The following TDP2 variants were observed in gnomAD, a reference collection of about 807,000 sequenced individuals.
The protein encoded by TDP2 is tyrosyl-DNA phosphodiesterase 2.
A neutral mutation model predicts 42.8 loss-of-function variants in TDP2; 38 were observed. That is an observed-to-expected ratio of 0.89 (90% confidence interval 0.68 to 1.16). The LOEUF is 1.16. TDP2 is among the 50% of genes most tolerant of loss of function. The pLI, the probability that TDP2 is intolerant of heterozygous loss-of-function variation, is 0.00. For synonymous variants in TDP2, 173 were observed against 150.6 expected (o/e 1.15, Z -1.09); for missense variants, 439 against 439.3 (o/e 1.00, Z 0.01).
intron 2 of TDP2, among the ~76,000 whole-genome samples, chr6:24,662,866 T>A (rs1778175459): frequency 6.6e-6 from 1 of 152,238 alleles, no homozygotes; most frequent in African/African-American, 2.4e-5. Flanking sequence ...ATGAAAAGCA[T>A]TAAAACCAGA....
chr6:24,660,676 T>C (rs1225016412), intron 2 of TDP2, among the ~76,000 whole-genome samples: 2 of 152,226 alleles, frequency 1.3e-5, no homozygotes, highest in African/African-American at 4.8e-5. Flanking sequence ...AGATTTAATA[T>C]CTAAAGACCT....
Position 24,658,738 on chromosome 6 carries a change from G to C in TDP2, c.252-4C>G. 2 of 1,610,094 alleles carry C rather than the reference G, an allele frequency of 1.2e-6. No individual in the cohort carries two copies. Among genetic ancestry groups the C allele is most frequent in the Non-Finnish European group, 1.7e-6 (2 of 1,178,346 alleles). On this transcript the variant is annotated splice_region_variant and splice_polypyrimidine_tract_variant and intron_variant, in intron 2 of 6. Transcript: ENST00000378198. ...TTCTTCATTGGTTAGGTCAACACTG[G>C]CAAGATCAGAATAAAACATGGCTTT...
chr6:24,666,749 G>C lies in TDP2; in HGVS notation c.114C>G (p.Cys38Trp). The C allele has an allele frequency of 6.2e-7, 1 of 1,614,234 alleles. No individual in the cohort carries two copies. The highest frequency in any genetic ancestry group is 1.3e-5 in the African/African-American group (1 of 75,074). The change falls in exon 1 of 7, where the codon TGC becomes TGG. Residue 38 changes from cysteine to tryptophan, a missense_variant. Transcript: ENST00000378198. ...LCVEFASVAS[C>W]DAAVAQCFLA... The stretch of plus-strand genomic sequence containing the variant: ...GGAAGCACTGAGCCACTGCGGCATC[G>C]CAGCTTGCGACCGAGGCAAACTCCA...
At chr6:24,654,201 T>C (rs1166942884) in intron 5 of TDP2, among the ~76,000 whole-genome samples, 2 of 152,182 alleles carry the variant, frequency 1.3e-5, no homozygotes, top group Non-Finnish European at 2.9e-5. Context: ...CAAACTCAAA[T>C]ATTCTTAAGA....
Position 24,658,667 on chromosome 6 carries a change from G to A in TDP2, c.319C>T (p.Gln107Ter), listed in dbSNP as rs565103897. Residue 107 changes from glutamine (Q) to a stop codon, truncating the protein, a stop_gained, in exon 3 of 7, where the codon CAG becomes TAG. Transcript: ENST00000378198. LOFTEE classifies it high-confidence loss of function. ...TSKISPSEDT[Q>*]QENGSMFSLI... Reference sequence around the variant, plus strand: ...GAGAACATGCTGCCATTTTCTTGCTGAGTATCTTCAGATGGGCTGATTTTA... The same window carrying A: ...GAGAACATGCTGCCATTTTCTTGCTAAGTATCTTCAGATGGGCTGATTTTA... 3.7e-6 allele frequency: 6 copies of A among 1,613,946 alleles called. No individual in the cohort carries two copies. The highest frequency in any genetic ancestry group is 5.1e-6 in the Non-Finnish European group (6 of 1,179,866).
intron 5 of TDP2, 95 bp downstream of exon 5, chr6:24,654,317 T>C (rs1214924702): frequency 1.6e-6 from 1 of 608,374 alleles, no homozygotes; most frequent in Non-Finnish European, 2.7e-6. Context: ...GAAGCAAATT[T>C]TTCTCTAAAG....
Position 24,661,063 on chromosome 6 carries a change from A to G in TDP2, c.252-2329T>C, listed in dbSNP as rs899209680. On this transcript the variant is annotated intron_variant, in intron 2 of 6. Transcript: ENST00000378198. The stretch of plus-strand genomic sequence containing the variant: ...CTAGTACGAAGTTATAATTTTCCCC[A>G]TCATAGTAAGTATTTTGTGGGAAAG... Among the ~76,000 whole-genome samples the G allele has an allele frequency of 2.0e-5, 3 of 152,150 alleles. No individual in the cohort carries two copies. In the East Asian group the frequency reaches 5.8e-4, roughly 29 times the overall value.
intron 4 of TDP2, among the ~76,000 whole-genome samples, chr6:24,657,093 A>G (rs1015921600): frequency 6.6e-5 from 10 of 152,252 alleles, no homozygotes; most frequent in African/African-American, 2.4e-4. Flanking sequence ...TGAACAACAC[A>G]AGTGAACTTC....
intron 2 of TDP2, among the ~76,000 whole-genome samples, chr6:24,661,743 C>A (rs541508359): frequency 5.3e-5 from 8 of 152,202 alleles, no homozygotes; most frequent in African/African-American, 1.9e-4. Context: ...GCAAAACTTT[C>A]TTTTGTGAAT....
At chr6:24,655,869 C>T (rs995548481) in intron 4 of TDP2, among the ~76,000 whole-genome samples, 4 of 152,188 alleles carry the variant, frequency 2.6e-5, no homozygotes, top group Non-Finnish European at 4.4e-5. Flanking sequence ...AATTGTGGGT[C>T]TCCCTCAAAT....
intron 2 of TDP2, among the ~76,000 whole-genome samples, chr6:24,659,460 A>C (rs1778107068): frequency 1.3e-5 from 2 of 152,138 alleles, no homozygotes; most frequent in Non-Finnish European, 2.9e-5. Flanking sequence ...AACCTTCTAA[A>C]TTGATTTAGA....
rs1777949872 is a variant in TDP2, at chr6:24,650,314, G to A, written c.*474C>T. The A allele has an allele frequency of 1.3e-5, 2 of 154,660 alleles. No homozygotes were observed. Among genetic ancestry groups the A allele is most frequent in the African/African-American group, 4.8e-5 (2 of 41,464 alleles). The allele number at this position is 154,660 out of a possible 1,614,324, so 9.6% of individuals were successfully genotyped here. A position where few individuals can be genotyped will look rare whatever the true frequency, so the allele number is the denominator to read the frequency against. On this transcript the variant is annotated 3_prime_UTR_variant, in exon 7 of 7. Coordinates refer to ENST00000378198, the MANE Select transcript of TDP2 (RefSeq NM_016614.3). Reference sequence around the variant, plus strand: ...GCTGACAAAAATCAAGTCTGATGTAGAATAGCTGTCATCTACTTAACTGCA... The same window carrying A: ...GCTGACAAAAATCAAGTCTGATGTAAAATAGCTGTCATCTACTTAACTGCA...
intron 3 of TDP2, 149 bp from the exon 4 acceptor site, chr6:24,658,052 A>C: frequency 1.9e-6 from 1 of 528,056 alleles, no homozygotes; most frequent in South Asian, 2.4e-5. Flanking sequence ...TGATAACTAT[A>C]AAATGAGAAA....
At chr6:24,666,493 T>A (rs1778240710) in intron 2 of TDP2, 33 bp downstream of exon 2, 1 of 1,606,428 alleles carries the variant, frequency 6.2e-7, no homozygotes, top group Non-Finnish European at 8.5e-7. Context: ...ACTGCCTCCG[T>A]GCGGACTGGC....
At chr6:24,653,532 A>C (rs1778009760) in intron 5 of TDP2, among the ~76,000 whole-genome samples, 1 of 152,236 alleles carries the variant, frequency 6.6e-6, no homozygotes, top group Non-Finnish European at 1.5e-5. Context: ...TGCAAAGCAG[A>C]GATGATTCTT....
intron 4 of TDP2, among the ~76,000 whole-genome samples, chr6:24,656,106 G>T (rs563761439): frequency 1.3e-5 from 2 of 152,072 alleles, no homozygotes; most frequent in African/African-American, 4.8e-5. Flanking sequence ...TAAAAACAAT[G>T]CAGGGAAAGA....
At chr6:24,652,485 A>G (rs923079093) in intron 6 of TDP2, among the ~76,000 whole-genome samples, 1 of 152,200 alleles carries the variant, frequency 6.6e-6, no homozygotes, top group Non-Finnish European at 1.5e-5. Flanking sequence ...GCAGGGAGAA[A>G]GAGACTTTGT....
In TDP2 at chr6:24,652,936, C is replaced by T. The variant is rs145663114; in HGVS notation, c.807+47G>A. ...GGTCAAAGGAACCTAAATTAGTCTCCATAGCAATAATCTGTCCTCAAACAT... is the reference window on the plus strand; with the variant it reads ...GGTCAAAGGAACCTAAATTAGTCTCTATAGCAATAATCTGTCCTCAAACAT... On this transcript the variant is annotated intron_variant, in intron 6 of 6. Transcript: ENST00000378198. 5.7e-5 allele frequency: 92 copies of T among 1,600,114 alleles called. No homozygotes were observed. The East Asian group carries it at 2.1e-3, about 36-fold the overall frequency.
Position 24,657,967 on chromosome 6 carries a change from T to C in TDP2, c.426-64A>G, listed in dbSNP as rs1007337148. Reference sequence around the variant, plus strand: ...ACCATTTCATTTTCAGCTACCTAAATGAAGGAAATCCCACAACATACCAAA... The same window carrying C: ...ACCATTTCATTTTCAGCTACCTAAACGAAGGAAATCCCACAACATACCAAA... On this transcript the variant is annotated intron_variant, in intron 3 of 6. Coordinates refer to ENST00000378198, the MANE Select transcript of TDP2 (RefSeq NM_016614.3). 11 of 1,180,152 alleles carry C rather than the reference T, an allele frequency of 9.3e-6. No homozygotes were observed. In the African/African-American group the frequency reaches 1.4e-4, roughly 15 times the overall value. 73.1% of individuals were successfully genotyped at this position (1,180,152 alleles called of 1,614,324 possible). A position where few individuals can be genotyped will look rare whatever the true frequency, so the allele number is the denominator to read the frequency against.
Sources: allele counts gnomAD v4.1 joint callset (sites outside exome capture counted in the v4.1 genomes callset), GRCh38; gene constraint gnomAD v4.1.1; transcripts MANE v1.5; gene names NCBI Gene and HGNC (gene_info 2026-07-23, HGNC 2026-07-21).